MALRD1: variants seen among roughly 807,000 people sequenced by gnomAD.
MALRD1 encodes MAM and LDL-receptor class A domain-containing protein 1.
In MALRD1, 247 loss-of-function variants were observed where a neutral mutation model predicts 242.1. The observed-to-expected ratio is 1.02, with a 90% CI of 0.92 to 1.13. The LOEUF is 1.13. MALRD1 is among the 50% of genes most tolerant of loss of function. The pLI is 0.00. For synonymous variants in MALRD1, 995 were observed against 866.6 expected (o/e 1.15, Z -2.60); for missense variants, 2,989 against 2,533.1 (o/e 1.18, Z -3.86).
intron 31 of MALRD1, among the ~76,000 whole-genome samples, chr10:19,519,607 A>AT (rs1052458866): frequency 4.6e-4 from 68 of 149,350 alleles, no homozygotes; most frequent in East Asian, 5.9e-4. Flanking sequence ...TGTTGCTACA[A>AT]TTTTTTTTTT....
At chr10:19,341,502 GTATATATATGTGTGTATATATGTA>G (rs1564577169) in intron 24 of MALRD1, among the ~76,000 whole-genome samples, 14 of 116,836 alleles carry the variant, frequency 1.2e-4, no homozygotes, top group African/African-American at 3.3e-5. Context: ...ATGTATATAT[GTATATATATGTGTGTATATATGTA>G]TATATATACA....
chr10:19,356,668 A>G (rs911176975), intron 26 of MALRD1, among the ~76,000 whole-genome samples: 8 of 152,080 alleles, frequency 5.3e-5, no homozygotes, highest in Non-Finnish European at 8.8e-5. Context: ...ACTCATGGCT[A>G]TTGGTTACCC....
chr10:19,123,491 G>C lies in MALRD1; in HGVS notation c.695-1G>C. 1 of 1,232,148 alleles carries C rather than the reference G, an allele frequency of 8.1e-7. No individual in the cohort carries two copies. Among genetic ancestry groups the C allele is most frequent in the Non-Finnish European group, 1.0e-6 (1 of 986,538 alleles). 76.3% of individuals were successfully genotyped at this position (1,232,148 alleles called of 1,614,324 possible). On this transcript the variant is annotated splice_acceptor_variant, in intron 5 of 39. Transcript: ENST00000454679. LOFTEE classifies it high-confidence loss of function. ...TTCTTGCCAATCTTTAAATTTAACA[G>C]ATGGAATTTTACTGTGTCAAGAAGC...
intron 21 of MALRD1, among the ~76,000 whole-genome samples, chr10:19,287,781 TC>T (rs1841199979): frequency 6.6e-6 from 1 of 152,136 alleles, no homozygotes; most frequent in South Asian, 2.1e-4. Flanking sequence ...ACAATGCATT[TC>T]TCAGAACTCA....
At chr10:19,255,027 T>C (rs979714040) in intron 18 of MALRD1, among the ~76,000 whole-genome samples, 4 of 151,986 alleles carry the variant, frequency 2.6e-5, no homozygotes, top group Non-Finnish European at 4.4e-5. Context: ...TAGAGCCCCA[T>C]TAATGTTTAA....
chr10:19,129,356 A>T (rs181587951), intron 8 of MALRD1, among the ~76,000 whole-genome samples: 48 of 152,274 alleles, frequency 3.2e-4, no homozygotes, highest in Non-Finnish European at 4.4e-4. Flanking sequence ...TTGAACAACC[A>T]TATGGAAGAG....
intron 19 of MALRD1, among the ~76,000 whole-genome samples, chr10:19,275,373 T>C (rs1220347486): frequency 6.6e-6 from 1 of 152,120 alleles, no homozygotes; most frequent in Non-Finnish European, 1.5e-5. Context: ...GGAAGAATAA[T>C]AAAATCAGAA....
intron 32 of MALRD1, among the ~76,000 whole-genome samples, chr10:19,544,588 G>A (rs1835126409): frequency 6.6e-6 from 1 of 151,390 alleles, no homozygotes; most frequent in Admixed American, 6.6e-5. Context: ...TTCTAAAGTG[G>A]ACGAATTTTT....
At chr10:19,451,675 A>G (rs1168375922) in intron 29 of MALRD1, among the ~76,000 whole-genome samples, 1 of 152,174 alleles carries the variant, frequency 6.6e-6, no homozygotes, top group Non-Finnish European at 1.5e-5. Context: ...CATTTCACTG[A>G]GGCAGTTCAA....
At chr10:19,193,976 G>A (rs1448642720) in intron 14 of MALRD1, among the ~76,000 whole-genome samples, 1 of 151,298 alleles carries the variant, frequency 6.6e-6, no homozygotes, top group Non-Finnish European at 1.5e-5. Context: ...AAAATAGTAG[G>A]GTCTTTTACG....
intron 21 of MALRD1, 56 bp downstream of exon 21, chr10:19,283,237 C>T: frequency 5.2e-6 from 7 of 1,336,914 alleles, no homozygotes; most frequent in Non-Finnish European, 6.8e-6. Flanking sequence ...TAAGCATCTC[C>T]CAAATTTCTG....
At chr10:19,631,050 C>T (rs546161664) in intron 36 of MALRD1, among the ~76,000 whole-genome samples, 1 of 152,218 alleles carries the variant, frequency 6.6e-6, no homozygotes, top group East Asian at 1.9e-4. Context: ...TATAGGCAAA[C>T]TCATGTCATG....
intron 24 of MALRD1, among the ~76,000 whole-genome samples, chr10:19,343,179 G>A (rs1843960619): frequency 6.6e-6 from 1 of 151,928 alleles, no homozygotes; most frequent in Non-Finnish European, 1.5e-5. Context: ...AAATACACTG[G>A]AAACCACTCT....
At chr10:19,723,545 A>AGACTGGACAATATAGCAAGACCC (rs1445043906) in intron 38 of MALRD1, among the ~76,000 whole-genome samples, 6 of 152,110 alleles carry the variant, frequency 3.9e-5, no homozygotes, top group African/African-American at 1.4e-4. Context: ...GTTCAAGACC[A>AGACTGGACAATATAGCAAGACCC]GACTGGACAA....
rs992882954 is a variant in MALRD1, at chr10:19,129,959, TC to T, written c.1110+1576del. 1.6e-3 allele frequency among the ~76,000 whole-genome samples: 242 copies of T among 150,952 alleles called. 2 individuals are homozygous for T. Among genetic ancestry groups the T allele is most frequent in the Non-Finnish European group, 3.2e-4 (22 of 67,734 alleles). Reference sequence around the variant, plus strand: ...TGTGATATATATATATATCTCTATCTCCCCACACATCCATATACACACATAT... The same window carrying T: ...TGTGATATATATATATATCTCTATCTCCCACACATCCATATACACACATAT... On this transcript the variant is annotated intron_variant, in intron 8 of 39. Coordinates refer to ENST00000454679, the MANE Select transcript of MALRD1 (RefSeq NM_001142308.3).
At chr10:19,444,568 G>C (rs1050916701) in intron 28 of MALRD1, among the ~76,000 whole-genome samples, 4 of 152,064 alleles carry the variant, frequency 2.6e-5, no homozygotes, top group Admixed American at 6.6e-5. Flanking sequence ...CACTTATGAA[G>C]CTTAGTTTGG....
chr10:19,415,295 A>G (rs1478155958), intron 28 of MALRD1, among the ~76,000 whole-genome samples: 3 of 152,324 alleles, frequency 2.0e-5, no homozygotes, highest in East Asian at 1.9e-4. Context: ...CGAGATTAGT[A>G]TAAGACTTGT....
intron 13 of MALRD1, 70 bp downstream of exon 13, chr10:19,165,880 A>C: frequency 1.8e-6 from 2 of 1,119,150 alleles, no homozygotes; most frequent in African/African-American, 1.6e-5. Flanking sequence ...TCAGATAACA[A>C]TATAACACAC....
At chr10:19,200,183 G>A (rs1836458102) in intron 14 of MALRD1, among the ~76,000 whole-genome samples, 1 of 152,096 alleles carries the variant, frequency 6.6e-6, no homozygotes, top group East Asian at 1.9e-4. Context: ...ATTTCATGAG[G>A]AATAAATAAG....
Sources: gnomAD v4.1 joint callset for allele counts (sites outside exome capture counted in the v4.1 genomes callset) on GRCh38, gnomAD v4.1.1 for gene constraint, MANE v1.5 for transcripts, NCBI Gene and HGNC (gene_info 2026-07-23, HGNC 2026-07-21) for gene names.